The following ST6GALNAC5 variants were observed in gnomAD, a reference collection of about 807,000 sequenced individuals.
The protein encoded by ST6GALNAC5 is ST6 N-acetylgalactosaminide alpha-2,6-sialyltransferase 5, also known as alpha-N-acetylgalactosaminide alpha-2,6-sialyltransferase 5.
In ST6GALNAC5, 27 loss-of-function variants were observed where a neutral mutation model predicts 33.6. That is an observed-to-expected ratio of 0.80 (90% CI 0.59 to 1.11). The LOEUF is 1.11. Among genes scored for constraint, ST6GALNAC5 ranks in the 50% least tolerant of loss-of-function variants. ST6GALNAC5 has a pLI of 0.00. For missense variants in ST6GALNAC5, 428 were observed against 454.0 expected (o/e 0.94, Z 0.52); for synonymous variants, 194 against 171.2 (o/e 1.13, Z -1.04).
intron 2 of ST6GALNAC5, among the ~76,000 whole-genome samples, chr1:76,873,473 T>G (rs1653556343): frequency 6.6e-6 from 1 of 152,102 alleles, no homozygotes; most frequent in Non-Finnish European, 1.5e-5. Flanking sequence ...TATCTAAAAT[T>G]TAATGGGTAC....
rs532566988 is a variant in ST6GALNAC5, at chr1:77,016,083, C to T, written c.262-28121C>T. 4.3e-4 allele frequency among the ~76,000 whole-genome samples: 62 copies of T among 145,078 alleles called. 1 individual carries two copies. Among genetic ancestry groups the T allele is most frequent in the African/African-American group, 1.6e-3 (61 of 37,894 alleles). ...TCTACCCCCACATCCCCTCCTTCTC[C>T]ACTCCTCCCCCTCATGCTCCTGTAT... On this transcript the variant is annotated intron_variant, in intron 2 of 4. Coordinates refer to ENST00000477717, the MANE Select transcript of ST6GALNAC5 (RefSeq NM_030965.3).
intron 1 of ST6GALNAC5, 118 bp downstream of exon 1, chr1:76,867,808 C>A: frequency 7.0e-7 from 1 of 1,434,068 alleles, no homozygotes; most frequent in Admixed American, 1.8e-5. Context: ...TCGCCTGTTA[C>A]AAAGGGACAA....
At chr1:76,956,196 T>C (rs532375553) in intron 2 of ST6GALNAC5, among the ~76,000 whole-genome samples, 101 of 152,134 alleles carry the variant, frequency 6.6e-4, no homozygotes, top group African/African-American at 2.4e-3. Context: ...GGTTAGACTC[T>C]ATTAAAGTCT....
At chr1:77,019,371 C>T (rs1650969991) in intron 2 of ST6GALNAC5, among the ~76,000 whole-genome samples, 2 of 152,306 alleles carry the variant, frequency 1.3e-5, no homozygotes, top group South Asian at 4.1e-4. Flanking sequence ...GAAAGCCCTT[C>T]AGTGCCAGAT....
At chr1:76,952,072 CA>C (rs1199867278) in intron 2 of ST6GALNAC5, among the ~76,000 whole-genome samples, 1 of 152,118 alleles carries the variant, frequency 6.6e-6, no homozygotes, top group Non-Finnish European at 1.5e-5. Context: ...TCTACAAACA[CA>C]GCACACTTTG....
At chr1:77,046,473 G>A (rs532170006) in intron 3 of ST6GALNAC5, among the ~76,000 whole-genome samples, 2 of 152,204 alleles carry the variant, frequency 1.3e-5, no homozygotes, top group Non-Finnish European at 2.9e-5. Context: ...GTCTGGTGGA[G>A]GAAGGAGAAA....
At chr1:77,006,466 A>C (rs1316692989) in intron 2 of ST6GALNAC5, among the ~76,000 whole-genome samples, 1 of 151,034 alleles carries the variant, frequency 6.6e-6, no homozygotes, top group East Asian at 1.9e-4. Flanking sequence ...GGCGCCAGCC[A>C]CCACGCCTGG....
intron 4 of ST6GALNAC5, among the ~76,000 whole-genome samples, chr1:77,056,299 T>A (rs1341300601): frequency 6.6e-6 from 1 of 152,226 alleles, no homozygotes; most frequent in Non-Finnish European, 1.5e-5. Flanking sequence ...CCAAACTAAG[T>A]TATGCTAAGT....
intron 4 of ST6GALNAC5, among the ~76,000 whole-genome samples, chr1:77,059,935 A>T (rs531827168): frequency 3.3e-5 from 5 of 152,024 alleles, no homozygotes; most frequent in Admixed American, 6.6e-5. Context: ...CAATACTGAC[A>T]TTGTTTATTT....
chr1:76,966,861 G>A (rs1278211267), intron 2 of ST6GALNAC5, among the ~76,000 whole-genome samples: 1 of 152,146 alleles, frequency 6.6e-6, no homozygotes, highest in Non-Finnish European at 1.5e-5. Flanking sequence ...CAATCATGTG[G>A]TTTCTGTCAT....
intron 3 of ST6GALNAC5, among the ~76,000 whole-genome samples, chr1:77,044,898 T>G (rs937842630): frequency 1.4e-4 from 22 of 152,182 alleles, no homozygotes; most frequent in African/African-American, 5.3e-4. Flanking sequence ...AAGTGCAGTA[T>G]AACAGCTTTA....
intron 2 of ST6GALNAC5, among the ~76,000 whole-genome samples, chr1:77,004,723 G>A (rs1391086364): frequency 8.3e-6 from 1 of 121,156 alleles, no homozygotes; most frequent in Non-Finnish European, 1.9e-5. Flanking sequence ...AGGACCCTCA[G>A]CTGCAGGTCT....
rs188933621 is a variant in ST6GALNAC5, at chr1:77,017,276, A to G, written c.262-26928A>G. On this transcript the variant is annotated intron_variant, in intron 2 of 4. Transcript: ENST00000477717. ...TCTATTCTTCAGCATCGGAATGTCA[A>G]TGAAGTAGAACAGGGGATGTTTCCA... Among the ~76,000 whole-genome samples the G allele has an allele frequency of 1.1e-3, 160 of 152,310 alleles. 1 individual carries two copies. Among genetic ancestry groups the G allele is most frequent in the Non-Finnish European group, 2.2e-3 (149 of 68,026 alleles).
At position 76,961,381 on chromosome 1, in the gene ST6GALNAC5, G is replaced by A. The variant is rs1325734388; in HGVS notation, c.262-82823G>A. On this transcript the variant is annotated intron_variant, in intron 2 of 4. Transcript: ENST00000477717. ...AGCAGCACACACATGTCTCTGGAAT[G>A]CGAAGAAGAAAGAAAAAAAGACAAG... Among the ~76,000 whole-genome samples, 13 of 152,182 alleles carry A rather than the reference G, an allele frequency of 8.5e-5. 1 individual carries two copies.
intron 2 of ST6GALNAC5, among the ~76,000 whole-genome samples, chr1:76,930,722 G>A (rs1647131782): frequency 6.6e-6 from 1 of 152,160 alleles, no homozygotes. Flanking sequence ...CTATGTTACA[G>A]AGTGGATTCT....
intron 2 of ST6GALNAC5, among the ~76,000 whole-genome samples, chr1:76,906,084 C>CCTTTTT (rs1251738862): frequency 2.0e-5 from 3 of 152,126 alleles, no homozygotes; most frequent in Non-Finnish European, 4.4e-5. Flanking sequence ...ATGAACCCTC[C>CCTTTTT]CTTTTTCTTT....
At chr1:76,982,743 G>A (rs529251862) in intron 2 of ST6GALNAC5, among the ~76,000 whole-genome samples, 3 of 151,932 alleles carry the variant, frequency 2.0e-5, no homozygotes, top group African/African-American at 7.2e-5. Context: ...GAAGGAAAAA[G>A]TATAAGGGCA....
At chr1:76,933,292 A>G (rs1647163011) in intron 2 of ST6GALNAC5, among the ~76,000 whole-genome samples, 1 of 152,046 alleles carries the variant, frequency 6.6e-6, no homozygotes, top group African/African-American at 2.4e-5. Flanking sequence ...TTATTCTTTC[A>G]TTTAGTATAG....
At chr1:77,029,782 T>G (rs1229431886) in intron 2 of ST6GALNAC5, among the ~76,000 whole-genome samples, 2 of 152,214 alleles carry the variant, frequency 1.3e-5, no homozygotes, top group Non-Finnish European at 2.9e-5. Flanking sequence ...TACGAGCAAA[T>G]GAGGCTTAAA....
Sources: allele counts gnomAD v4.1 joint callset (sites outside exome capture counted in the v4.1 genomes callset), GRCh38; gene constraint gnomAD v4.1.1; transcripts MANE v1.5; gene names NCBI Gene and HGNC (gene_info 2026-07-23, HGNC 2026-07-21).